Variants in PDE1A observed in about 807,000 individuals in gnomAD.
The protein encoded by PDE1A is dual specificity calcium/calmodulin-dependent 3',5'-cyclic nucleotide phosphodiesterase 1A.
Under a neutral mutation model 61.7 loss-of-function variants are expected in PDE1A, and 35 were observed. That is an observed-to-expected ratio of 0.57 (90% CI 0.43 to 0.75). The LOEUF is 0.75. Ranked by LOEUF, PDE1A falls within the 30% of genes least tolerant of loss-of-function variation. The pLI is 0.00. For missense variants in PDE1A, 597 were observed against 630.6 expected, an observed-to-expected ratio of 0.95 and a Z score of 0.57; for synonymous variants, 232 against 213.2, an observed-to-expected ratio of 1.09 and a Z score of -0.77.
the PDE1A span, among the ~76,000 whole-genome samples, chr2:182,569,821 T>G: frequency 6.6e-6 from 1 of 152,212 alleles, no homozygotes; most frequent in Non-Finnish European, 1.5e-5. Flanking sequence ...TTCAATACAT[T>G]TTCCTTTCTT....
chr2:182,565,024 T>C, the PDE1A span, among the ~76,000 whole-genome samples: 1 of 152,216 alleles, frequency 6.6e-6, no homozygotes, highest in Non-Finnish European at 1.5e-5. Flanking sequence ...CGGAGTAGTT[T>C]GTTCGTCTGA....
At chr2:182,156,624 A>G (rs1189858825) in intron 13 of PDE1A, among the ~76,000 whole-genome samples, 1 of 152,202 alleles carries the variant, frequency 6.6e-6, no homozygotes, top group African/African-American at 2.4e-5. Flanking sequence ...TTTGAAATTC[A>G]GTTCTTCAGG....
intron 1 of PDE1A, among the ~76,000 whole-genome samples, chr2:182,343,496 T>G (rs1698327784): frequency 6.6e-6 from 1 of 152,212 alleles, no homozygotes; most frequent in African/African-American, 2.4e-5. Flanking sequence ...ATAATATGTT[T>G]CTTCTAAGAT....
At chr2:182,267,444 C>G (rs931688417) in intron 1 of PDE1A, among the ~76,000 whole-genome samples, 2 of 151,250 alleles carry the variant, frequency 1.3e-5, no homozygotes, top group African/African-American at 4.8e-5. Flanking sequence ...CACACACACA[C>G]ACACACACAC....
intron 2 of PDE1A, among the ~76,000 whole-genome samples, chr2:182,515,282 C>A (rs1165703626): frequency 6.6e-6 from 1 of 152,198 alleles, no homozygotes; most frequent in East Asian, 1.9e-4. Flanking sequence ...GTCTCCTCTA[C>A]AGGAACAGTA....
intron 4 of PDE1A, among the ~76,000 whole-genome samples, chr2:182,233,162 C>T (rs934675504): frequency 6.6e-6 from 1 of 152,092 alleles, no homozygotes; most frequent in African/African-American, 2.4e-5. Context: ...TTTTCTTGCT[C>T]ATTGTTAAGG....
At chr2:182,510,269 C>T (rs68074868) in intron 2 of PDE1A, among the ~76,000 whole-genome samples, 10,037 of 152,202 alleles carry the variant, frequency 0.066, 353 homozygotes, top group Middle Eastern at 0.1. Context: ...AATGAGCTAT[C>T]ATCATTGTTA....
At chr2:182,538,332 G>A in the PDE1A span, among the ~76,000 whole-genome samples, 1 of 152,074 alleles carries the variant, frequency 6.6e-6, no homozygotes, top group Admixed American at 6.6e-5. Flanking sequence ...TACATGTACA[G>A]AAATATAGAA....
the PDE1A span, among the ~76,000 whole-genome samples, chr2:182,711,304 A>G: frequency 6.6e-6 from 1 of 152,162 alleles, no homozygotes; most frequent in Non-Finnish European, 1.5e-5. Flanking sequence ...ATGTATACAT[A>G]CTCATTCAGT....
chr2:182,143,573 T>G (rs1015308339), downstream of PDE1A, among the ~76,000 whole-genome samples: 1 of 152,110 alleles, frequency 6.6e-6, no homozygotes, highest in Non-Finnish European at 1.5e-5. Context: ...TGGAGTGCAG[T>G]GGCGCCATCT....
At chr2:182,424,000 A>T (rs1479917308) in intron 1 of PDE1A, among the ~76,000 whole-genome samples, 3 of 144,140 alleles carry the variant, frequency 2.1e-5, no homozygotes, top group African/African-American at 7.8e-5. Context: ...CCTGGAGTGC[A>T]GTGGCGCAAT....
chr2:182,716,690 C>G, the PDE1A span, among the ~76,000 whole-genome samples: 1 of 152,246 alleles, frequency 6.6e-6, no homozygotes. Flanking sequence ...CAGTTACTTA[C>G]ACTTTCTCCC....
chr2:182,431,327 G>C (rs553710058), upstream of PDE1A, among the ~76,000 whole-genome samples: 4 of 151,988 alleles, frequency 2.6e-5, no homozygotes, highest in Non-Finnish European at 5.9e-5. Flanking sequence ...AAAGTTCCAA[G>C]GTCTTGCTAA....
chr2:182,527,330 ATATATATATATATAT>A (rs1559543451), upstream of PDE1A, among the ~76,000 whole-genome samples: 218 of 7,376 alleles, frequency 0.03, 53 homozygotes, highest in African/African-American at 0.11. Flanking sequence ...AAAAAAAAAT[ATATATATATATATAT>A]ATATATATAT....
At chr2:182,338,036 G>A (rs954347645) in intron 1 of PDE1A, among the ~76,000 whole-genome samples, 11 of 152,124 alleles carry the variant, frequency 7.2e-5, no homozygotes, top group Admixed American at 1.3e-4. Context: ...CACACTATTA[G>A]CACAGTTTGA....
intron 7 of PDE1A, among the ~76,000 whole-genome samples, chr2:182,209,721 G>C (rs968383457): frequency 6.6e-6 from 1 of 151,786 alleles, no homozygotes; most frequent in African/African-American, 2.4e-5. Context: ...TCCCTCTCTT[G>C]CCACCATGTG....
intron 1 of PDE1A, among the ~76,000 whole-genome samples, chr2:182,343,800 T>C (rs572743668): frequency 2.4e-4 from 36 of 152,212 alleles, no homozygotes; most frequent in South Asian, 1.5e-3. Flanking sequence ...CCATATTTTA[T>C]CTCTGTCAAG....
At chr2:182,157,190 T>C (rs900133711) in intron 13 of PDE1A, among the ~76,000 whole-genome samples, 5 of 151,858 alleles carry the variant, frequency 3.3e-5, no homozygotes, top group African/African-American at 4.8e-5. Context: ...AATTTTTGTA[T>C]TTTTAGTAGA....
chr2:182,524,673 G>T (rs1334820261), upstream of PDE1A, among the ~76,000 whole-genome samples: 1 of 151,838 alleles, frequency 6.6e-6, no homozygotes, highest in African/African-American at 2.4e-5. Context: ...TTCATCCTTA[G>T]GAAGTATCAA....
Sources: allele counts gnomAD v4.1 joint callset (sites outside exome capture counted in the v4.1 genomes callset), GRCh38; gene constraint gnomAD v4.1.1; transcripts MANE v1.5; gene names NCBI Gene and HGNC (gene_info 2026-07-23, HGNC 2026-07-21).